Variants in DISC1 observed in about 807,000 individuals in gnomAD.
DISC1 encodes DISC1 scaffold protein, also known as disrupted in schizophrenia 1 protein.
DISC1 carries 57 observed loss-of-function variants against 84.5 expected under a neutral mutation model. The ratio of observed to expected loss-of-function variants is 0.67; its 90% CI spans 0.55 to 0.84. The LOEUF (loss-of-function observed/expected upper bound fraction) is 0.84, where lower values mean the gene tolerates loss of function less well. DISC1 is among the 40% of genes least tolerant of loss of function. DISC1 has a pLI of 0.00. For synonymous variants in DISC1, 411 were observed against 415.2 expected (o/e 0.99, Z 0.12); for missense variants, 1,000 against 1,057.8 (o/e 0.95, Z 0.76).
chr1:231,952,691 T>TTATATATATATATATATATATATATGTA (rs60722025), intron 9 of DISC1, among the ~76,000 whole-genome samples: 1 of 141,838 alleles, frequency 7.1e-6, no homozygotes, highest in African/African-American at 2.6e-5. Flanking sequence ...ATATATATGT[T>TTATATATATATATATATATATATATGTA]TATATATATA....
chr1:231,667,780 TGTA>T (rs2062155058), intron 1 of DISC1, among the ~76,000 whole-genome samples: 1 of 152,240 alleles, frequency 6.6e-6, no homozygotes, highest in Non-Finnish European at 1.5e-5. Context: ...CTTTGTAACT[TGTA>T]GGACATTAAA....
At chr1:231,967,818 A>G (rs754696478) in intron 10 of DISC1, among the ~76,000 whole-genome samples, 2 of 152,224 alleles carry the variant, frequency 1.3e-5, no homozygotes, top group African/African-American at 4.8e-5. Flanking sequence ...AATCTTAAGT[A>G]TGCTTAAAAT....
intron 3 of DISC1, chr1:231,720,895 T>G: frequency 2.3e-6 from 3 of 1,290,964 alleles, no homozygotes; most frequent in Non-Finnish European, 2.0e-6. Flanking sequence ...GCATACCTAG[T>G]TCTGACATTG....
At chr1:231,677,730 G>A (rs1432658346) in intron 1 of DISC1, among the ~76,000 whole-genome samples, 2 of 152,250 alleles carry the variant, frequency 1.3e-5, no homozygotes, top group African/African-American at 4.8e-5. Flanking sequence ...TGTAATCCAA[G>A]CACTTTGGGA....
At chr1:231,816,416 T>A (rs955335740) in intron 8 of DISC1, among the ~76,000 whole-genome samples, 2 of 152,220 alleles carry the variant, frequency 1.3e-5, no homozygotes, top group Non-Finnish European at 2.9e-5. Context: ...TGATGAGAAG[T>A]TTTTAATTTT....
At chr1:231,907,131 C>CTCTT (rs1258067740) in intron 9 of DISC1, among the ~76,000 whole-genome samples, 7,207 of 93,146 alleles carry the variant, frequency 0.077, 511 homozygotes, top group East Asian at 0.17. Context: ...TCCTTCCTTC[C>CTCTT]TCTTTCTTTC....
At chr1:232,030,556 G>GA (rs1669908555) in intron 12 of DISC1, among the ~76,000 whole-genome samples, 1 of 152,142 alleles carries the variant, frequency 6.6e-6, no homozygotes, top group African/African-American at 2.4e-5. Flanking sequence ...TGGTTATTTG[G>GA]AGTGCATGGT....
chr1:231,649,749 G>T (rs1382785686), intron 1 of DISC1, among the ~76,000 whole-genome samples: 1 of 152,106 alleles, frequency 6.6e-6, no homozygotes, highest in Non-Finnish European at 1.5e-5. Context: ...TCCTGTGTTG[G>T]GTGCATATAT....
intron 9 of DISC1, among the ~76,000 whole-genome samples, chr1:231,922,197 AC>A (rs1208683619): frequency 6.6e-6 from 1 of 152,192 alleles, no homozygotes; most frequent in East Asian, 1.9e-4. Context: ...CCATGGAATC[AC>A]CATGAGAGGT....
In DISC1 at chr1:231,839,627, CAGTTGTGTT is replaced by C. The variant is rs546923182; in HGVS notation, c.1981+21114_1981+21122del. 2.6e-4 allele frequency among the ~76,000 whole-genome samples: 39 copies of C among 152,290 alleles called. No homozygotes were observed. In the South Asian group the frequency reaches 8.1e-3, roughly 32 times the overall value. On this transcript the variant is annotated intron_variant, in intron 9 of 12. Transcript: ENST00000439617. ...ACTGCTCCTGAACATTCTTGTATTA[CAGTTGTGTT>C]AGTCTGTTTGCATTGCTATCAAGGA...
chr1:231,723,247 G>GA (rs11349693), intron 3 of DISC1: 9 of 936,446 alleles, frequency 9.6e-6, no homozygotes, highest in Non-Finnish European at 1.1e-5. Flanking sequence ...TGTATTTATT[G>GA]AAAAAAAAGT....
intron 1 of DISC1, among the ~76,000 whole-genome samples, chr1:231,672,212 T>C (rs2062695598): frequency 6.6e-6 from 1 of 152,232 alleles, no homozygotes; most frequent in South Asian, 2.1e-4. Flanking sequence ...CCATGATTTC[T>C]CAAGGTCTAT....
chr1:231,885,276 G>T (rs1440188257), intron 9 of DISC1, among the ~76,000 whole-genome samples: 1 of 152,174 alleles, frequency 6.6e-6, no homozygotes, highest in East Asian at 1.9e-4. Context: ...GTTTGCCCAT[G>T]GGGGAAGGAT....
At chr1:231,644,546 G>C (rs1192448763) in intron 1 of DISC1, among the ~76,000 whole-genome samples, 1 of 152,158 alleles carries the variant, frequency 6.6e-6, no homozygotes, top group Admixed American at 6.5e-5. Context: ...GAAGGGGTGA[G>C]TTGGAACATC....
At chr1:231,651,809 C>G (rs1256099058) in intron 1 of DISC1, among the ~76,000 whole-genome samples, 14 of 152,270 alleles carry the variant, frequency 9.2e-5, no homozygotes, top group Admixed American at 9.2e-4. Flanking sequence ...ATGCCCCTCC[C>G]TCTGCCAGGC....
At chr1:231,823,464 A>G (rs1209774293) in intron 9 of DISC1, among the ~76,000 whole-genome samples, 3 of 152,212 alleles carry the variant, frequency 2.0e-5, no homozygotes, top group African/African-American at 7.2e-5. Context: ...AGTCACAGCA[A>G]AGAAGACAGT....
intron 9 of DISC1, among the ~76,000 whole-genome samples, chr1:231,935,982 G>A (rs912045321): frequency 7.2e-5 from 11 of 152,138 alleles, no homozygotes; most frequent in African/African-American, 1.7e-4. Context: ...TCTTCCCAAC[G>A]TAATTAAACT....
intron 9 of DISC1, among the ~76,000 whole-genome samples, chr1:231,866,925 C>G (rs2085105159): frequency 2.0e-5 from 3 of 152,218 alleles, no homozygotes; most frequent in Admixed American, 2.0e-4. Context: ...GTGGGACAAA[C>G]TTCAAAAGAA....
At chr1:231,913,127 G>A (rs1425823302) in intron 9 of DISC1, among the ~76,000 whole-genome samples, 3 of 152,188 alleles carry the variant, frequency 2.0e-5, no homozygotes, top group East Asian at 3.9e-4. Context: ...GCCCAGGCTA[G>A]TCTCAAACTC....
Sources: gnomAD v4.1 joint callset for allele counts (sites outside exome capture counted in the v4.1 genomes callset) on GRCh38, gnomAD v4.1.1 for gene constraint, MANE v1.5 for transcripts, NCBI Gene and HGNC (gene_info 2026-07-23, HGNC 2026-07-21) for gene names.